Variants in GPD2 observed in about 807,000 individuals in gnomAD.
The protein encoded by GPD2 is glycerol-3-phosphate dehydrogenase, mitochondrial.
Under a neutral mutation model 82.4 loss-of-function variants are expected in GPD2, and 54 were observed. The observed-to-expected ratio is 0.66, with a 90% CI of 0.53 to 0.82. The LOEUF is 0.82. Among genes scored for constraint, GPD2 ranks in the 40% least tolerant of loss-of-function variants. GPD2 has a pLI of 0.00. For missense variants in GPD2, 748 were observed against 896.2 expected (o/e 0.83, Z 2.11); for synonymous variants, 288 against 306.1 (o/e 0.94, Z 0.62).
intron 6 of GPD2, among the ~76,000 whole-genome samples, chr2:156,537,640 T>C (rs1686132897): frequency 6.6e-6 from 1 of 152,206 alleles, no homozygotes; most frequent in African/African-American, 2.4e-5. Flanking sequence ...TTTTCACATT[T>C]GAGTCTTACT....
the GPD2 span, among the ~76,000 whole-genome samples, chr2:156,428,392 T>G: frequency 6.6e-6 from 1 of 152,346 alleles, no homozygotes; most frequent in East Asian, 1.9e-4. Flanking sequence ...GCAGGACTTT[T>G]GCTGTATTTC....
At chr2:156,460,239 T>C (rs1033502033) in intron 1 of GPD2, among the ~76,000 whole-genome samples, 3 of 152,218 alleles carry the variant, frequency 2.0e-5, no homozygotes, top group African/African-American at 7.2e-5. Flanking sequence ...CTGAGAACAG[T>C]ACGATCCTAG....
At chr2:156,448,202 A>C (rs936911333) in intron 1 of GPD2, among the ~76,000 whole-genome samples, 1 of 150,600 alleles carries the variant, frequency 6.6e-6, no homozygotes, top group Non-Finnish European at 1.5e-5. Context: ...TCCGCCTCCC[A>C]GGTACAAGCA....
the GPD2 span, among the ~76,000 whole-genome samples, chr2:156,426,819 G>T: frequency 1.0e-5 from 1 of 99,786 alleles, no homozygotes; most frequent in Non-Finnish European, 2.1e-5. Context: ...TCCCAGTGGA[G>T]AAATTTAAAA....
intron 5 of GPD2, among the ~76,000 whole-genome samples, chr2:156,512,739 TA>T (rs112522087): frequency 0.018 from 2,739 of 152,300 alleles, 90 homozygotes; most frequent in African/African-American, 0.062. Flanking sequence ...GTGTCTGAGT[TA>T]ACCAAGGCTG....
At chr2:156,516,408 T>C (rs920111008) in intron 6 of GPD2, among the ~76,000 whole-genome samples, 1 of 152,364 alleles carries the variant, frequency 6.6e-6, no homozygotes, top group African/African-American at 2.4e-5. Flanking sequence ...GATGAGAAAG[T>C]GGCGTAAGTA....
intron 6 of GPD2, among the ~76,000 whole-genome samples, chr2:156,520,680 G>C (rs563597293): frequency 6.6e-6 from 1 of 151,806 alleles, no homozygotes; most frequent in Non-Finnish European, 1.5e-5. Context: ...CACCTCCCGG[G>C]CTCAAGCCAT....
At position 156,467,713 on chromosome 2, in the gene GPD2, C is replaced by G. The variant is rs1364167758; in HGVS notation, c.-8-8385C>G. Among the ~76,000 whole-genome samples, 4 of 152,148 alleles carry G rather than the reference C, an allele frequency of 2.6e-5. No individual in the cohort carries two copies. The South Asian group carries it at 6.2e-4, about 24-fold the overall frequency. Reference sequence around the variant, plus strand: ...TTCCTGTCCAGTCTTGGCCTAAATCCTTTTTAAAAGCAACAACAACAAAAG... The same window carrying G: ...TTCCTGTCCAGTCTTGGCCTAAATCGTTTTTAAAAGCAACAACAACAAAAG... On this transcript the variant is annotated intron_variant, in intron 1 of 16. Transcript: ENST00000438166.
chr2:156,444,661 G>A (rs369581062), intron 1 of GPD2, among the ~76,000 whole-genome samples: 6 of 152,020 alleles, frequency 3.9e-5, no homozygotes, highest in Non-Finnish European at 7.4e-5. Flanking sequence ...TGCAGTGAGC[G>A]GAGACCACGC....
intron 1 of GPD2, among the ~76,000 whole-genome samples, chr2:156,472,913 A>C (rs2105195932): frequency 6.6e-6 from 1 of 152,314 alleles, no homozygotes; most frequent in African/African-American, 2.4e-5. Context: ...ATTTCCTCTG[A>C]GCTACCACTG....
chr2:156,554,845 T>G (rs1686901653), intron 8 of GPD2, among the ~76,000 whole-genome samples: 1 of 152,200 alleles, frequency 6.6e-6, no homozygotes, highest in Admixed American at 6.5e-5. Flanking sequence ...TGCTAAGTAG[T>G]TAACAATAAA....
In GPD2 at chr2:156,579,008, A is replaced by C; in HGVS notation, c.1880+7A>C. 1 of 1,567,726 alleles carries C rather than the reference A, an allele frequency of 6.4e-7. No homozygotes were observed. The highest frequency in any genetic ancestry group is 1.1e-5 in the South Asian group (1 of 90,146). The stretch of plus-strand genomic sequence containing the variant: ...TGCCTTCAGACATTGACAGGTACTT[A>C]TAATAAGTGTCTATCTATCTCTCTT... On this transcript the variant is annotated splice_region_variant and intron_variant, in intron 14 of 16. Coordinates refer to ENST00000438166, the MANE Select transcript of GPD2 (RefSeq NM_000408.5).
chr2:156,561,233 A>G (rs540891731), intron 9 of GPD2, among the ~76,000 whole-genome samples: 1 of 151,778 alleles, frequency 6.6e-6, no homozygotes, highest in African/African-American at 2.4e-5. Flanking sequence ...TTTTTAGTAC[A>G]GACTGTGTTT....
chr2:156,401,209 C>T, the GPD2 span, among the ~76,000 whole-genome samples: 13 of 152,284 alleles, frequency 8.5e-5, no homozygotes, highest in Admixed American at 5.9e-4. Context: ...ACCACTGAAC[C>T]ACCAATGCTT....
chr2:156,483,359 G>A (rs1235359736), intron 2 of GPD2, among the ~76,000 whole-genome samples: 2 of 152,102 alleles, frequency 1.3e-5, no homozygotes, highest in Admixed American at 1.3e-4. Context: ...TTACTTACAG[G>A]CTTTTTTCTC....
chr2:156,410,979 TA>T, the GPD2 span, among the ~76,000 whole-genome samples: 1 of 152,236 alleles, frequency 6.6e-6, no homozygotes, highest in African/African-American at 2.4e-5. Flanking sequence ...TTAACGTGAT[TA>T]TTTTCCCCAC....
chr2:156,452,992 G>A (rs1263066688), intron 1 of GPD2, among the ~76,000 whole-genome samples: 1 of 152,126 alleles, frequency 6.6e-6, no homozygotes, highest in Non-Finnish European at 1.5e-5. Context: ...GGTGTGGAGG[G>A]GTGAAACAGG....
chr2:156,504,524 A>G (rs998017546), intron 3 of GPD2, among the ~76,000 whole-genome samples: 1 of 151,984 alleles, frequency 6.6e-6, no homozygotes, highest in Non-Finnish European at 1.5e-5. Flanking sequence ...TCTGATACTT[A>G]TTTCAGAGTG....
intron 3 of GPD2, among the ~76,000 whole-genome samples, chr2:156,506,118 T>C (rs891200800): frequency 1.3e-5 from 2 of 152,226 alleles, no homozygotes; most frequent in African/African-American, 4.8e-5. Context: ...TCAACAAAAA[T>C]GAGAGATTTA....
Sources: allele counts gnomAD v4.1 joint callset (sites outside exome capture counted in the v4.1 genomes callset), GRCh38; gene constraint gnomAD v4.1.1; transcripts MANE v1.5; gene names NCBI Gene and HGNC (gene_info 2026-07-23, HGNC 2026-07-21).